IL1RAPL2: variants seen among roughly 807,000 people sequenced by gnomAD.
IL1RAPL2 encodes the protein interleukin 1 receptor accessory protein like 2.
IL1RAPL2 carries 3 observed loss-of-function variants against 44.1 expected under a neutral mutation model. The observed-to-expected ratio is 0.07, with a 90% CI of 0.03 to 0.18. The LOEUF (loss-of-function observed/expected upper bound fraction) is 0.18, where lower values mean the gene tolerates loss of function less well. Ranked by LOEUF, IL1RAPL2 falls within the 10% of genes least tolerant of loss-of-function variation. The pLI is 1.00. For missense variants in IL1RAPL2, 391 were observed against 496.4 expected, an observed-to-expected ratio of 0.79 and a Z score of 2.02; for synonymous variants, 181 against 178.8, an observed-to-expected ratio of 1.01 and a Z score of -0.10.
At chrX:104,633,677 C>T (rs1346617760) in intron 1 of IL1RAPL2, among the ~76,000 whole-genome samples, 11 of 111,377 alleles carry the variant, frequency 9.9e-5, no homozygotes, top group South Asian at 7.6e-4. Context: ...TCTGTGGGAT[C>T]GGTGGTGATA....
At chrX:105,551,481 C>T (rs971137446) in intron 6 of IL1RAPL2, among the ~76,000 whole-genome samples, 2 of 111,050 alleles carry the variant, frequency 1.8e-5, no homozygotes, top group African/African-American at 6.6e-5. Context: ...AGTAGAACAA[C>T]TTCCCACCCC....
intron 2 of IL1RAPL2, among the ~76,000 whole-genome samples, chrX:104,860,481 C>A (rs759465934): frequency 1.8e-5 from 2 of 111,531 alleles, no homozygotes; most frequent in Non-Finnish European, 3.8e-5. Flanking sequence ...ACAGTACACA[C>A]CAAAGATGTA....
At chrX:104,675,765 T>C (rs1930737037) in intron 2 of IL1RAPL2, among the ~76,000 whole-genome samples, 2 of 110,373 alleles carry the variant, frequency 1.8e-5, no homozygotes, top group African/African-American at 6.6e-5. Context: ...AGGACTTGCT[T>C]TATGAATCTT....
chrX:104,874,907 G>T (rs1324215510), intron 2 of IL1RAPL2, among the ~76,000 whole-genome samples: 1 of 111,670 alleles, frequency 9.0e-6, no homozygotes, highest in Non-Finnish European at 1.9e-5. Context: ...AGCAACTTTA[G>T]TGCTAAAGGA....
chrX:105,151,772 AACT>A (rs1379410466), intron 2 of IL1RAPL2, among the ~76,000 whole-genome samples: 1 of 105,890 alleles, frequency 9.4e-6, no homozygotes, highest in African/African-American at 3.9e-5. Context: ...TGGATAAAAA[AACT>A]ACAGTGTATA....
chrX:104,761,222 G>A (rs1446355106), intron 2 of IL1RAPL2, among the ~76,000 whole-genome samples: 1 of 111,333 alleles, frequency 9.0e-6, no homozygotes, highest in African/African-American at 3.3e-5. Flanking sequence ...GAGGCCTCAG[G>A]AAACTTACAG....
intron 6 of IL1RAPL2, among the ~76,000 whole-genome samples, chrX:105,538,964 C>G (rs757042647): frequency 9.1e-6 from 1 of 110,452 alleles, no homozygotes; most frequent in East Asian, 2.9e-4. Flanking sequence ...AATAAAATAC[C>G]TAGGAATACA....
At position 105,186,931 on chromosome X, in the gene IL1RAPL2, T is replaced by A. The variant is rs373805509; in HGVS notation, c.83-8544T>A. 2.7e-5 allele frequency among the ~76,000 whole-genome samples: 3 copies of A among 111,915 alleles called. No homozygotes were observed. The East Asian group carries it at 8.4e-4, about 32-fold the overall frequency. Reference sequence around the variant, plus strand: ...TTTAATGTAGCAAACCCCCACAGTGTGAACATGCCTCCCTATTCAGCTTCC... The same window carrying A: ...TTTAATGTAGCAAACCCCCACAGTGAGAACATGCCTCCCTATTCAGCTTCC... On this transcript the variant is annotated intron_variant, in intron 2 of 10. Coordinates refer to ENST00000372582, the MANE Select transcript of IL1RAPL2 (RefSeq NM_017416.2).
chrX:105,529,163 G>C (rs2036614813), intron 6 of IL1RAPL2, among the ~76,000 whole-genome samples: 1 of 110,984 alleles, frequency 9.0e-6, no homozygotes, highest in South Asian at 3.8e-4. Flanking sequence ...ATACATTTTT[G>C]ACAGGAATAT....
intron 5 of IL1RAPL2, among the ~76,000 whole-genome samples, chrX:105,282,611 T>A (rs2034540439): frequency 8.9e-6 from 1 of 111,759 alleles, no homozygotes; most frequent in African/African-American, 3.3e-5. Flanking sequence ...GTGTCTGTCA[T>A]ATAGTAGTCA....
intron 5 of IL1RAPL2, among the ~76,000 whole-genome samples, chrX:105,284,941 C>A (rs1327311623): frequency 9.0e-6 from 1 of 111,556 alleles, no homozygotes; most frequent in Non-Finnish European, 1.9e-5. Flanking sequence ...AAGAATAATT[C>A]ATATACTTAG....
intron 6 of IL1RAPL2, among the ~76,000 whole-genome samples, chrX:105,553,814 T>C (rs2036877030): frequency 8.9e-6 from 1 of 112,644 alleles, no homozygotes; most frequent in African/African-American, 3.2e-5. Context: ...CACTGATTAC[T>C]TGGGGGCAAG....
intron 1 of IL1RAPL2, among the ~76,000 whole-genome samples, chrX:104,638,096 T>C (rs1177416420): frequency 9.0e-6 from 1 of 111,416 alleles, no homozygotes; most frequent in Non-Finnish European, 1.9e-5. Context: ...TCTTGGTAAG[T>C]TGCATGTGTC....
intron 5 of IL1RAPL2, among the ~76,000 whole-genome samples, chrX:105,373,368 G>GT (rs757224860): frequency 4.1e-4 from 46 of 111,406 alleles, no homozygotes; most frequent in Middle Eastern, 9.3e-3. Flanking sequence ...GGGGTTGCTT[G>GT]TTTTTTTCTT....
chrX:104,687,597 G>A (rs1037159972), intron 2 of IL1RAPL2, among the ~76,000 whole-genome samples: 2 of 111,387 alleles, frequency 1.8e-5, no homozygotes, highest in African/African-American at 3.3e-5. Flanking sequence ...AGGGCCATCT[G>A]GAGAGATGGA....
intron 5 of IL1RAPL2, among the ~76,000 whole-genome samples, chrX:105,341,815 CA>C (rs1235878769): frequency 9.0e-6 from 1 of 110,534 alleles, no homozygotes; most frequent in Admixed American, 9.7e-5. Context: ...CCTGTAATCC[CA>C]GCTACTCCGG....
At chrX:104,845,801 T>G (rs752442703) in intron 2 of IL1RAPL2, among the ~76,000 whole-genome samples, 4 of 112,185 alleles carry the variant, frequency 3.6e-5, no homozygotes, top group Non-Finnish European at 7.5e-5. Context: ...GATATTTTTC[T>G]GAAAGACTTA....
chrX:104,994,877 A>G (rs918351798), intron 2 of IL1RAPL2, among the ~76,000 whole-genome samples: 1 of 110,892 alleles, frequency 9.0e-6, no homozygotes, highest in Non-Finnish European at 1.9e-5. Flanking sequence ...GACTTGCAAG[A>G]GTAAAGTGAG....
chrX:105,122,782 T>C (rs58467248), intron 2 of IL1RAPL2, among the ~76,000 whole-genome samples: 268 of 111,867 alleles, frequency 2.4e-3, no homozygotes, highest in African/African-American at 8.4e-3. Context: ...CCTGGCATTA[T>C]TTTAGCTTCA....
Sources: allele counts gnomAD v4.1 joint callset (sites outside exome capture counted in the v4.1 genomes callset), GRCh38; gene constraint gnomAD v4.1.1; transcripts MANE v1.5; gene names NCBI Gene and HGNC (gene_info 2026-07-23, HGNC 2026-07-21).